Variants in CEP72 observed in about 807,000 individuals in gnomAD.
CEP72 encodes centrosomal protein of 72 kDa.
CEP72 carries 78 observed loss-of-function variants against 65.7 expected under a neutral mutation model. The ratio of observed to expected loss-of-function variants is 1.19; its 90% CI spans 0.99 to 1.43. The LOEUF is 1.43. Among genes scored for constraint, CEP72 ranks in the 40% most tolerant of loss-of-function variants. CEP72 has a pLI of 0.00. For missense variants in CEP72, 914 were observed against 832.9 expected (o/e 1.10, Z -1.20); for synonymous variants, 358 against 351.7 (o/e 1.02, Z -0.20).
At chr5:675,400 GGCCAGGGGTGCAGTGT>G in the CEP72 span, among the ~76,000 whole-genome samples, 7 of 137,566 alleles carry the variant, frequency 5.1e-5, no homozygotes, top group African/African-American at 1.7e-4. Context: ...GGTGCAGTGT[GGCCAGGGGTGCAGTGT>G]GGCCAGGGGT....
rs1317518184 is a variant in CEP72 at position 637,749 on chromosome 5, G to C, written c.1137G>C (p.Arg379Ser). The change falls in exon 7 of 12, where the codon AGG becomes AGC. Residue 379 changes from arginine to serine, a missense_variant. Coordinates refer to ENST00000264935, the MANE Select transcript of CEP72 (RefSeq NM_018140.4). ...RQDSSESRNGRTLSQPEASET... is the reference protein window; with the variant it reads ...RQDSSESRNGSTLSQPEASET... Reference sequence around the variant, plus strand: ...ACAGCTCAGAAAGCAGGAACGGGAGGACCTTGTCTCAGCCTGAGGCCTCGG... The same window carrying C: ...ACAGCTCAGAAAGCAGGAACGGGAGCACCTTGTCTCAGCCTGAGGCCTCGG... 1 of 1,612,238 alleles carries C rather than the reference G, an allele frequency of 6.2e-7. No homozygotes were observed. The highest frequency in any genetic ancestry group is 8.5e-7 in the Non-Finnish European group (1 of 1,179,348).
downstream of CEP72, among the ~76,000 whole-genome samples, chr5:654,838 TCCTC>T (rs1444910053): frequency 8.7e-6 from 1 of 115,298 alleles, no homozygotes; most frequent in Admixed American, 9.8e-5. Context: ...TCTCACTTCT[TCCTC>T]CCTGTCCCCA....
At position 664,995 on chromosome 5, in the gene CEP72, C is replaced by T. The variant is rs552814071; in HGVS notation, n.288-185C>T. ...GGCCGCCCCCCAGCCCCCTCTGGGG[C>T]ACCCGTCTGAGTTCTGCCCCAGTTA... On this transcript the variant is annotated intron_variant and non_coding_transcript_variant, in intron 2 of 4. Coordinates refer to the CEP72 transcript ENST00000514507. The T allele has an allele frequency of 1.1e-5, 15 of 1,372,818 alleles. No individual in the cohort carries two copies. In the African/African-American group the frequency reaches 1.3e-4, roughly 12 times the overall value. 85.0% of individuals were successfully genotyped at this position (1,372,818 alleles called of 1,614,324 possible). A position where few individuals can be genotyped will look rare whatever the true frequency, so the allele number is the denominator to read the frequency against.
the CEP72 span, among the ~76,000 whole-genome samples, chr5:674,874 C>T: frequency 4.7e-4 from 71 of 150,720 alleles, no homozygotes; most frequent in African/African-American, 1.7e-3. Flanking sequence ...TGGGAGCTGC[C>T]CCTTGCCAAA....
intron 10 of CEP72, 60 bp downstream of exon 10, chr5:644,485 A>G (rs1271285934): frequency 6.3e-7 from 1 of 1,579,150 alleles, no homozygotes; most frequent in Non-Finnish European, 8.7e-7. Context: ...GTGCCTAGGT[A>G]GACTTTGTTT....
At chr5:666,145 A>G (rs1739902019) in intron 4 of CEP72, 2 of 1,606,506 alleles carry the variant, frequency 1.2e-6, no homozygotes, top group Admixed American at 1.7e-5. Flanking sequence ...CAGGCGACTT[A>G]GGGCTGGGCG....
In CEP72 at chr5:653,006, T is replaced by G. The variant is rs564869212; in HGVS notation, c.1797T>G (p.Asn599Lys). The G allele has an allele frequency of 6.2e-7, 1 of 1,612,516 alleles. No homozygotes were observed. Among genetic ancestry groups the G allele is most frequent in the African/African-American group, 1.3e-5 (1 of 75,014 alleles). Residue 599 changes from asparagine (N) to lysine (K), a missense_variant, in exon 12 of 12, where the codon AAT becomes AAG. Asn to Lys is a moderately conservative substitution (Grantham distance 94). Coordinates refer to ENST00000264935, the MANE Select transcript of CEP72 (RefSeq NM_018140.4). ...TCTGCAGCTCCCTGGTCAGCACCAA[T>G]GAACACCTGCTGCAGGAGCTGAGCC... Reference protein sequence around the residue: ...QESHSSLVSTNEHLLQELSQV... With the variant: ...QESHSSLVSTKEHLLQELSQV...
At chr5:612,688 C>CTG (rs10665039) in intron 1 of CEP72, 626,599 of 933,942 alleles carry the variant, frequency 0.67, 212,300 homozygotes, top group Non-Finnish European at 0.68. Context: ...TATCGGGTCA[C>CTG]TGGTTCCGTG....
chr5:612,493 G>T (rs1735733600), intron 1 of CEP72, 50 bp downstream of exon 1: 2 of 1,360,386 alleles, frequency 1.5e-6, no homozygotes, highest in South Asian at 3.3e-5. Context: ...CGGGGGGGTG[G>T]GTGCCGAGCT....
At chr5:665,928 C>T in intron 3 of CEP72, 2 of 780,354 alleles carry the variant, frequency 2.6e-6, no homozygotes, top group Non-Finnish European at 3.4e-6. Flanking sequence ...GGCCCCGCCC[C>T]CACCCCCTCC....
At chr5:613,278 A>C (rs1735789128) in intron 1 of CEP72, among the ~76,000 whole-genome samples, 1 of 152,154 alleles carries the variant, frequency 6.6e-6, no homozygotes. Context: ...ATACACTGAG[A>C]CAGTGGGGTT....
intron 2 of CEP72, among the ~76,000 whole-genome samples, 165 bp downstream of exon 2, chr5:619,282 T>C (rs1367658579): frequency 6.6e-6 from 1 of 152,226 alleles, no homozygotes. Flanking sequence ...TTCATACACA[T>C]CACGTTACGT....
intron 9 of CEP72, chr5:641,195 C>CA: frequency 1.0e-6 from 1 of 985,314 alleles, no homozygotes; most frequent in Non-Finnish European, 1.2e-6. Context: ...GCCACCGTCT[C>CA]ATCTGAGGCC....
intron 11 of CEP72, among the ~76,000 whole-genome samples, chr5:651,907 C>T (rs1739131033): frequency 6.6e-6 from 1 of 151,388 alleles, no homozygotes. Context: ...GCCACACTTA[C>T]CTGGGTTCGA....
intron 5 of CEP72, among the ~76,000 whole-genome samples, chr5:634,559 C>T (rs114543685): frequency 1.8e-4 from 27 of 152,304 alleles, no homozygotes; most frequent in Middle Eastern, 3.4e-3. Flanking sequence ...ATGTCCTTGC[C>T]GGCACTGGGA....
intron 8 of CEP72, among the ~76,000 whole-genome samples, chr5:640,032 C>G (rs1430738397): frequency 1.3e-5 from 2 of 152,226 alleles, no homozygotes; most frequent in African/African-American, 4.8e-5. Context: ...GGCGGGGGGA[C>G]TGTCCCAGGC....
At chr5:674,860 C>T in the CEP72 span, among the ~76,000 whole-genome samples, 2 of 150,710 alleles carry the variant, frequency 1.3e-5, no homozygotes, top group African/African-American at 5.0e-5. Flanking sequence ...CTCCAGCGAG[C>T]CTGTGGGAGC....
At position 633,849 on chromosome 5, in the gene CEP72, T is replaced by C; in HGVS notation, c.593T>C (p.Leu198Pro). The stretch of plus-strand genomic sequence containing the variant: ...ATGGATGCGGATGACGAGGCAGTCC[T>C]GAACCTCATTGCAGAGTGCGAGTGG... ...LVMDADDEAV[L>P]NLIAECEWDL... The change falls in exon 5 of 12, where the codon CTG (leucine) becomes CCG (proline). Residue 198 changes from leucine (L) to proline (P), a missense_variant. Leu to Pro is a moderately conservative substitution (Grantham distance 98). Transcript: ENST00000264935. 1.2e-6 allele frequency: 2 copies of C among 1,613,986 alleles called. No homozygotes were observed. Among genetic ancestry groups the C allele is most frequent in the Non-Finnish European group, 1.7e-6 (2 of 1,180,040 alleles).
At chr5:671,811 C>CGT (rs561806084), downstream of CEP72, among the ~76,000 whole-genome samples, 449 of 152,354 alleles carry the variant, frequency 2.9e-3, 1 homozygote, top group African/African-American at 0.01. Context: ...CCAGAGCCGC[C>CGT]GAGTGCAAGC....
Sources: gnomAD v4.1 joint callset for allele counts (sites outside exome capture counted in the v4.1 genomes callset) on GRCh38, gnomAD v4.1.1 for gene constraint, MANE v1.5 for transcripts, NCBI Gene and HGNC (gene_info 2026-07-23, HGNC 2026-07-21) for gene names.